Variants in PPL observed in about 807,000 individuals in gnomAD.
The protein encoded by PPL is periplakin.
Under a neutral mutation model 194.4 loss-of-function variants are expected in PPL, and 198 were observed. The observed-to-expected ratio is 1.02, with a 90% CI of 0.91 to 1.15. The LOEUF (loss-of-function observed/expected upper bound fraction) is 1.15, where lower values mean the gene tolerates loss of function less well. PPL is among the 50% of genes most tolerant of loss of function. PPL has a pLI of 0.00. For synonymous variants in PPL, 1,220 were observed against 972.4 expected, an observed-to-expected ratio of 1.25 and a Z score of -4.74; for missense variants, 2,885 against 2,294.8, an observed-to-expected ratio of 1.26 and a Z score of -5.25.
In PPL at chr16:4,902,978, C is replaced by T. The variant is rs904974355; in HGVS notation, c.318-452G>A. Among the ~76,000 whole-genome samples the T allele has an allele frequency of 7.2e-5, 11 of 152,156 alleles. No homozygotes were observed. Among genetic ancestry groups the T allele is most frequent in the Non-Finnish European group, 1.5e-4 (10 of 68,034 alleles). Reference sequence around the variant, plus strand: ...TGCTGGGATCACAGGCGTGAGCCACCGTGCCTGGCCCCACCCACTTTCCCT... The same window carrying T: ...TGCTGGGATCACAGGCGTGAGCCACTGTGCCTGGCCCCACCCACTTTCCCT... On this transcript the variant is annotated intron_variant, in intron 3 of 21. Coordinates refer to ENST00000345988, the MANE Select transcript of PPL (RefSeq NM_002705.5). This position sits in a 1 kb window ranked among gnomAD's most constrained non-coding sequence, Gnocchi z 4.0.
At chr16:4,900,795 T>G in intron 6 of PPL, 35 bp downstream of exon 6, 1 of 1,613,770 alleles carries the variant, frequency 6.2e-7, no homozygotes, top group Non-Finnish European at 8.5e-7. Flanking sequence ...TCCTCTCCTC[T>G]CCCCATGAGG....
Position 4,890,316 on chromosome 16 carries a change from G to A in PPL, c.2181C>T (p.Ser727=), listed in dbSNP as rs772341543. The stretch of plus-strand genomic sequence containing the variant: ...GGAAGTGCTCGTAGGCTGCCTTGGC[G>A]CTCTGTAGGCTCTGCGCCCTGTCAA... ...QVERRAQSLQ[S]AKAAYEHFHR... Residue 727 remains serine, a synonymous_variant, in exon 18 of 22, where the codon AGC becomes AGT. Transcript: ENST00000345988. The A allele has an allele frequency of 9.9e-6, 16 of 1,613,358 alleles. No homozygotes were observed. Among genetic ancestry groups the A allele is most frequent in the Non-Finnish European group, 1.4e-5 (16 of 1,179,814 alleles).
chr16:4,897,274 G>A (rs962987687), intron 9 of PPL, among the ~76,000 whole-genome samples: 1 of 134,622 alleles, frequency 7.4e-6, no homozygotes, highest in African/African-American at 2.9e-5. Context: ...GGTGGAGGTT[G>A]TAGTGAGCCG....
intron 1 of PPL, 88 bp from the exon 2 acceptor site, chr16:4,911,037 C>T (rs1021049090): frequency 1.2e-5 from 13 of 1,069,474 alleles, no homozygotes; most frequent in African/African-American, 4.7e-5. Context: ...TGGCTGGCCC[C>T]GGCCCCACGC....
At position 4,882,801 on chromosome 16, in the gene PPL, T is replaced by C. The variant is rs2088124497; in HGVS notation, c.*583A>G. ...CTGGTGGCTGACAATTAACGTCCAC[T>C]CCAGCACCGAGGGCTGGACACTTGT... On this transcript the variant is annotated 3_prime_UTR_variant, in exon 22 of 22. Coordinates refer to ENST00000345988, the MANE Select transcript of PPL (RefSeq NM_002705.5). 3.8e-5 allele frequency: 6 copies of C among 155,980 alleles called. No homozygotes were observed. In the South Asian group the frequency reaches 1.2e-3, roughly 31 times the overall value. The allele number at this position is 155,980 out of a possible 1,614,324, so 9.7% of individuals were successfully genotyped here. A position where few individuals can be genotyped will look rare whatever the true frequency, so the allele number is the denominator to read the frequency against.
At chr16:4,926,136 T>C (rs2089150353) in intron 1 of PPL, among the ~76,000 whole-genome samples, 1 of 152,164 alleles carries the variant, frequency 6.6e-6, no homozygotes, top group African/African-American at 2.4e-5. Context: ...TCTCTGATCC[T>C]TATAACAACT....
chr16:4,927,023 G>C (rs565608184), intron 1 of PPL, among the ~76,000 whole-genome samples: 3 of 151,672 alleles, frequency 2.0e-5, no homozygotes, highest in African/African-American at 7.2e-5. Flanking sequence ...ACCAGGAAAA[G>C]AGCAAAATGG....
In PPL at chr16:4,893,530, C is replaced by T. The variant is rs2088360696; in HGVS notation, c.1492+11G>A. 6.2e-7 allele frequency: 1 copy of T among 1,611,782 alleles called. No homozygotes were observed. On this transcript the variant is annotated intron_variant, in intron 13 of 21. Transcript: ENST00000345988. ...CCCCCAGAGCCTCAGGCGAGTGGCCCTGGCACCCACCTCCGGGATTCTCGG... is the reference window on the plus strand; with the variant it reads ...CCCCCAGAGCCTCAGGCGAGTGGCCTTGGCACCCACCTCCGGGATTCTCGG...
chr16:4,891,731 T>A, intron 16 of PPL, 80 bp downstream of exon 16: 1 of 1,495,396 alleles, frequency 6.7e-7, no homozygotes, highest in Non-Finnish European at 8.9e-7. Flanking sequence ...TGTCCTCATC[T>A]ATCCAGACGG....
chr16:4,899,580 TTC>T (rs2088511800), intron 6 of PPL, among the ~76,000 whole-genome samples, 196 bp from the exon 7 acceptor site: 1 of 3,002 alleles, frequency 3.3e-4, no homozygotes, highest in Admixed American at 0.024. Flanking sequence ...CTGAAACTCA[TTC>T]ATTCATTCAT....
At chr16:4,892,472 C>T (rs1248305049) in intron 14 of PPL, among the ~76,000 whole-genome samples, 1 of 152,222 alleles carries the variant, frequency 6.6e-6, no homozygotes, top group Non-Finnish European at 1.5e-5. Context: ...CTGTGCTGTC[C>T]TCAGCACTGC....
At chr16:4,900,771 C>T in intron 6 of PPL, 59 bp downstream of exon 6, 1 of 1,609,732 alleles carries the variant, frequency 6.2e-7, no homozygotes, top group Non-Finnish European at 8.5e-7. Context: ...GTCCCCCCGA[C>T]TCCAAGCTTC....
At chr16:4,927,725 G>A (rs1396381769) in intron 1 of PPL, among the ~76,000 whole-genome samples, 2 of 152,238 alleles carry the variant, frequency 1.3e-5, no homozygotes, top group Non-Finnish European at 2.9e-5. Flanking sequence ...AAGGTTGCTG[G>A]TGTAGTAATT....
At chr16:4,933,369 C>G (rs1242675469) in intron 1 of PPL, among the ~76,000 whole-genome samples, 2 of 152,126 alleles carry the variant, frequency 1.3e-5, no homozygotes, top group Non-Finnish European at 2.9e-5. Context: ...GGACCCAGGT[C>G]TGGGTGGAGG....
At chr16:4,924,016 G>T (rs147635466) in intron 1 of PPL, among the ~76,000 whole-genome samples, 1 of 152,270 alleles carries the variant, frequency 6.6e-6, no homozygotes, top group Non-Finnish European at 1.5e-5. Flanking sequence ...CATAAATGGG[G>T]TTATCATGCC....
intron 18 of PPL, 107 bp from the exon 19 acceptor site, chr16:4,889,168 G>C: frequency 1.2e-6 from 1 of 825,038 alleles, no homozygotes; most frequent in South Asian, 1.4e-5. Flanking sequence ...TTCTTCTCTA[G>C]CACAAAGTAT....
chr16:4,904,852 G>A (rs1596562411), intron 2 of PPL, among the ~76,000 whole-genome samples: 1 of 152,164 alleles, frequency 6.6e-6, no homozygotes, highest in African/African-American at 2.4e-5. Flanking sequence ...AGGTGACAGC[G>A]AGGTGGCACC....
In PPL at chr16:4,912,931, C is replaced by T. The variant is rs1284907154; in HGVS notation, c.63-1982G>A. 2.0e-5 allele frequency among the ~76,000 whole-genome samples: 3 copies of T among 152,096 alleles called. No homozygotes were observed. The East Asian group carries it at 5.8e-4, about 29-fold the overall frequency. On this transcript the variant is annotated intron_variant, in intron 1 of 21. Coordinates refer to ENST00000345988, the MANE Select transcript of PPL (RefSeq NM_002705.5). ...CCAGCCTGGCCAACATGGTGAAACC[C>T]CATCTCTACTAAAAATACAAAAATT... is the stretch of plus-strand genomic sequence containing the variant.
rs2088585945 is a variant in PPL at position 4,902,145 on chromosome 16, G to A, written c.438+261C>T. Among the ~76,000 whole-genome samples, 1 of 152,178 alleles carries A rather than the reference G, an allele frequency of 6.6e-6. No individual in the cohort carries two copies. Among genetic ancestry groups the A allele is most frequent in the Admixed American group, 6.5e-5 (1 of 15,282 alleles). ...GACCCCAACATGCCAGGGTTGGAAA[G>A]TGGGACCCAGGAGCAGCAGCGAGGT... On this transcript the variant is annotated intron_variant, in intron 4 of 21. Transcript: ENST00000345988. This position sits in a 1 kb window ranked among gnomAD's most constrained non-coding sequence, Gnocchi z 4.0.
Sources: gnomAD v4.1 joint callset for allele counts (sites outside exome capture counted in the v4.1 genomes callset) on GRCh38, gnomAD v4.1.1 for gene constraint, Gnocchi (gnomAD v3.1) non-coding constraint, MANE v1.5 for transcripts, NCBI Gene and HGNC (gene_info 2026-07-23, HGNC 2026-07-21) for gene names.